Variants in NRXN3 observed in about 807,000 individuals in gnomAD.
NRXN3 encodes neurexin III.
Under a neutral mutation model 137.6 loss-of-function variants are expected in NRXN3, and 32 were observed. That is an observed-to-expected ratio of 0.23 (90% CI 0.18 to 0.31). NRXN3 has a LOEUF of 0.31. Among genes scored for constraint, NRXN3 ranks in the 10% least tolerant of loss-of-function variants. The probability of loss-of-function intolerance (pLI) is 1.00; values close to 1 mark genes in which losing one functional copy is unlikely to be tolerated. For missense variants in NRXN3, 1,574 were observed against 2,062.5 expected (o/e 0.76, Z 4.59); for synonymous variants, 798 against 784.5 (o/e 1.02, Z -0.29).
chr14:79,266,355 TTA>T (rs150666453), intron 15 of NRXN3, among the ~76,000 whole-genome samples: 2 of 151,044 alleles, frequency 1.3e-5, no homozygotes, highest in African/African-American at 2.4e-5. Flanking sequence ...GCTATAAAGG[TTA>T]TATATATATA....
intron 15 of NRXN3, among the ~76,000 whole-genome samples, chr14:79,218,549 C>T (rs766871329): frequency 1.3e-5 from 2 of 151,936 alleles, no homozygotes; most frequent in South Asian, 4.2e-4. Flanking sequence ...ATGACAATGT[C>T]GGTTTCTGAT....
intron 16 of NRXN3, among the ~76,000 whole-genome samples, chr14:79,478,139 A>T (rs1468228885): frequency 6.6e-6 from 1 of 150,454 alleles, no homozygotes; most frequent in Non-Finnish European, 1.5e-5. Context: ...GATGAATAGG[A>T]ACTTGGGAAA....
chr14:78,608,941 GAA>G (rs1247699947), intron 4 of NRXN3, among the ~76,000 whole-genome samples: 2 of 152,098 alleles, frequency 1.3e-5, no homozygotes, highest in Non-Finnish European at 2.9e-5. Context: ...AGGTATTCCA[GAA>G]AAAGGGCTGG....
At chr14:79,852,695 CA>C (rs1414076397) in intron 20 of NRXN3, among the ~76,000 whole-genome samples, 1 of 151,914 alleles carries the variant, frequency 6.6e-6, no homozygotes, top group Non-Finnish European at 1.5e-5. Context: ...GGGAATTAAC[CA>C]GCCAAAAAAG....
chr14:79,829,129 G>T (rs1267060847), intron 20 of NRXN3, among the ~76,000 whole-genome samples: 1 of 152,060 alleles, frequency 6.6e-6, no homozygotes, highest in Non-Finnish European at 1.5e-5. Context: ...AAAGGAAATG[G>T]CTTTTACATT....
chr14:78,831,134 CTATT>C (rs1400589075), intron 10 of NRXN3, among the ~76,000 whole-genome samples: 2 of 152,226 alleles, frequency 1.3e-5, no homozygotes, highest in Admixed American at 6.5e-5. Context: ...TTTCACTAAA[CTATT>C]TATGGGACCA....
chr14:78,975,223 G>A (rs2099460553), intron 14 of NRXN3, among the ~76,000 whole-genome samples: 1 of 152,156 alleles, frequency 6.6e-6, no homozygotes, highest in Non-Finnish European at 1.5e-5. Context: ...CATGCGTCCT[G>A]CCATGTGAGC....
At chr14:79,596,595 A>G (rs1025605023) in intron 16 of NRXN3, among the ~76,000 whole-genome samples, 10 of 151,460 alleles carry the variant, frequency 6.6e-5, no homozygotes, top group African/African-American at 2.4e-4. Flanking sequence ...TCTCTCTTAC[A>G]GACTAAGAGT....
chr14:79,386,911 G>C (rs1193589577), intron 15 of NRXN3, among the ~76,000 whole-genome samples: 1 of 152,202 alleles, frequency 6.6e-6, no homozygotes, highest in East Asian at 1.9e-4. Flanking sequence ...GTAGAAAGCT[G>C]ACACTGGACC....
chr14:78,850,297 A>G (rs1248462457), intron 10 of NRXN3, among the ~76,000 whole-genome samples: 3 of 152,140 alleles, frequency 2.0e-5, no homozygotes, highest in Non-Finnish European at 4.4e-5. Flanking sequence ...CCAAGGTTAT[A>G]TGGTCTCTCA....
intron 19 of NRXN3, among the ~76,000 whole-genome samples, chr14:79,713,031 G>T (rs891499029): frequency 6.6e-6 from 1 of 152,038 alleles, no homozygotes; most frequent in Non-Finnish European, 1.5e-5. Flanking sequence ...AATTTGCCTG[G>T]GAAGGACTTG....
intron 15 of NRXN3, among the ~76,000 whole-genome samples, chr14:79,463,829 A>C (rs893444131): frequency 6.6e-6 from 1 of 152,198 alleles, no homozygotes; most frequent in African/African-American, 2.4e-5. Flanking sequence ...AATGTGGTAT[A>C]GCATGCCTCA....
chr14:78,865,228 T>C (rs1294017974), intron 10 of NRXN3, among the ~76,000 whole-genome samples: 1 of 152,228 alleles, frequency 6.6e-6, no homozygotes, highest in Non-Finnish European at 1.5e-5. Context: ...AATCATTGAT[T>C]ACAATTGATC....
intron 4 of NRXN3, among the ~76,000 whole-genome samples, chr14:78,505,830 G>T (rs1460177634): frequency 6.6e-6 from 1 of 151,956 alleles, no homozygotes; most frequent in African/African-American, 2.4e-5. Context: ...TTTAAAAACA[G>T]ACTTCTTGAG....
At chr14:79,750,423 C>A (rs1430037973) in intron 19 of NRXN3, among the ~76,000 whole-genome samples, 4 of 152,002 alleles carry the variant, frequency 2.6e-5, no homozygotes, top group Admixed American at 2.0e-4. Flanking sequence ...TGGAAGTAAC[C>A]CATGCTGCTG....
At chr14:79,185,223 A>T (rs2063384079) in intron 15 of NRXN3, among the ~76,000 whole-genome samples, 1 of 152,134 alleles carries the variant, frequency 6.6e-6, no homozygotes, top group South Asian at 2.1e-4. Flanking sequence ...TTTTCTGAGG[A>T]CTGGCTCACT....
chr14:78,598,333 G>A (rs2097175039), intron 4 of NRXN3, among the ~76,000 whole-genome samples: 1 of 151,878 alleles, frequency 6.6e-6, no homozygotes, highest in Non-Finnish European at 1.5e-5. Flanking sequence ...GGGGGCTCGG[G>A]ATTCTTTCAG....
At chr14:79,804,108 A>C (rs1179307709) in intron 19 of NRXN3, among the ~76,000 whole-genome samples, 1 of 151,844 alleles carries the variant, frequency 6.6e-6, no homozygotes, top group East Asian at 1.9e-4. Context: ...ACTTTAGTAC[A>C]TTTGGGAATT....
intron 15 of NRXN3, among the ~76,000 whole-genome samples, chr14:79,154,560 C>T (rs115513023): frequency 5.7e-4 from 86 of 151,994 alleles, no homozygotes; most frequent in African/African-American, 1.8e-3. Flanking sequence ...AGCTTATTCA[C>T]ACATTTATAT....
Sources: allele counts gnomAD v4.1 joint callset (sites outside exome capture counted in the v4.1 genomes callset), GRCh38; gene constraint gnomAD v4.1.1; transcripts MANE v1.5; gene names NCBI Gene and HGNC (gene_info 2026-07-23, HGNC 2026-07-21).